DENND1B: variants seen among roughly 807,000 people sequenced by gnomAD.
The protein encoded by DENND1B is DENN domain containing 1B.
In DENND1B, 59 loss-of-function variants were observed where a neutral mutation model predicts 90.1. The observed-to-expected ratio is 0.65, with a 90% CI of 0.53 to 0.81. DENND1B has a LOEUF of 0.81. Among genes scored for constraint, DENND1B ranks in the 40% least tolerant of loss-of-function variants. The pLI, the probability that DENND1B is intolerant of heterozygous loss-of-function variation, is 0.00. For synonymous variants in DENND1B, 337 were observed against 324.6 expected, an observed-to-expected ratio of 1.04 and a Z score of -0.41; for missense variants, 862 against 912.6, an observed-to-expected ratio of 0.94 and a Z score of 0.71.
chr1:197,679,563 C>T (rs1221783257), intron 3 of DENND1B, among the ~76,000 whole-genome samples: 2 of 150,882 alleles, frequency 1.3e-5, no homozygotes. Context: ...GGATCCCAAA[C>T]CAATAGGATT....
intron 10 of DENND1B, among the ~76,000 whole-genome samples, chr1:197,622,848 T>C (rs1678298923): frequency 6.6e-6 from 1 of 151,492 alleles, no homozygotes; most frequent in Admixed American, 6.6e-5. Context: ...GAAATCAGTC[T>C]ATTAATAAAA....
At position 197,647,047 on chromosome 1, in the gene DENND1B, T is replaced by C; in HGVS notation, c.507+8A>G. The C allele has an allele frequency of 2.0e-6, 3 of 1,465,824 alleles. No individual in the cohort carries two copies. The highest frequency in any genetic ancestry group is 2.7e-6 in the Non-Finnish European group (3 of 1,116,686). The allele number at this position is 1,465,824 out of a possible 1,614,324, so 90.8% of individuals were successfully genotyped here. A position where few individuals can be genotyped will look rare whatever the true frequency, so the allele number is the denominator to read the frequency against. ...TGATTTTTAGAAGCCAATGTCCTTT[T>C]AACTCACCGGTACTAGAGCAGGCTG... On this transcript the variant is annotated splice_region_variant and intron_variant, in intron 8 of 22. Coordinates refer to ENST00000620048, the MANE Select transcript of DENND1B (RefSeq NM_001195215.2).
chr1:197,634,435 T>A (rs759634174), intron 10 of DENND1B, among the ~76,000 whole-genome samples: 27 of 152,134 alleles, frequency 1.8e-4, no homozygotes, highest in African/African-American at 6.3e-4. Context: ...AATGAACAAA[T>A]GAACATTTTT....
At chr1:197,576,115 A>C (rs1244665904) in intron 15 of DENND1B, among the ~76,000 whole-genome samples, 5 of 152,180 alleles carry the variant, frequency 3.3e-5, no homozygotes, top group Non-Finnish European at 7.4e-5. Flanking sequence ...AAGAAAAAAA[A>C]ATCTAAAGAA....
At chr1:197,546,070 A>G (rs1670795611) in intron 17 of DENND1B, 80 bp from the exon 18 acceptor site, 1 of 1,213,020 alleles carries the variant, frequency 8.2e-7, no homozygotes, top group Non-Finnish European at 1.2e-6. Flanking sequence ...AGTAAGTTGC[A>G]TATTTAAAAA....
upstream of DENND1B, among the ~76,000 whole-genome samples, chr1:197,775,903 C>G (rs1158422613): frequency 6.6e-6 from 1 of 152,218 alleles, no homozygotes; most frequent in Non-Finnish European, 1.5e-5. Flanking sequence ...TGCGTCACTC[C>G]AGCTGTGGCC....
intron 15 of DENND1B, among the ~76,000 whole-genome samples, chr1:197,582,082 G>C (rs1674294612): frequency 6.6e-6 from 1 of 152,092 alleles, no homozygotes; most frequent in African/African-American, 2.4e-5. Flanking sequence ...GGACATCTCT[G>C]ATCCTGAAAT....
intron 2 of DENND1B, chr1:197,747,317 T>C (rs1173572079): frequency 3.9e-5 from 23 of 586,648 alleles, no homozygotes; most frequent in Non-Finnish European, 6.7e-5. Flanking sequence ...AATCTATGAT[T>C]TCTGTTTTTC....
chr1:197,565,502 A>T (rs565764040), intron 15 of DENND1B, among the ~76,000 whole-genome samples: 108 of 149,570 alleles, frequency 7.2e-4, no homozygotes, highest in African/African-American at 2.6e-3. Context: ...TTTTATTATT[A>T]TTATACTTTA....
upstream of DENND1B, among the ~76,000 whole-genome samples, chr1:197,778,868 C>G (rs960305375): frequency 6.6e-6 from 1 of 151,838 alleles, no homozygotes; most frequent in African/African-American, 2.4e-5. Flanking sequence ...TACTCTGTTT[C>G]TATTCATTTA....
chr1:197,613,037 G>C (rs1677317551), intron 11 of DENND1B, among the ~76,000 whole-genome samples: 1 of 150,578 alleles, frequency 6.6e-6, no homozygotes. Flanking sequence ...TCTTTTATAG[G>C]CATCTTTGTG....
intron 2 of DENND1B, among the ~76,000 whole-genome samples, chr1:197,771,577 T>C (rs1031672632): frequency 2.0e-5 from 3 of 152,188 alleles, no homozygotes; most frequent in Non-Finnish European, 2.9e-5. Context: ...GCCAACAATA[T>C]GTGACTTCAT....
At chr1:197,674,065 T>C in intron 4 of DENND1B, 55 bp downstream of exon 4, 1 of 1,226,312 alleles carries the variant, frequency 8.2e-7, no homozygotes, top group Non-Finnish European at 1.2e-6. Context: ...TGTAATCATT[T>C]TCAAGTATGT....
Position 197,642,705 on chromosome 1 carries a change from A to G in DENND1B, c.672+6T>C. The stretch of plus-strand genomic sequence containing the variant: ...CTGCTACTTAAAAGAAGTGTGAAGT[A>G]CTTACAGTGCTTAATTTGCTCGAGA... On this transcript the variant is annotated splice_donor_region_variant and intron_variant, in intron 10 of 22. Coordinates refer to ENST00000620048, the MANE Select transcript of DENND1B (RefSeq NM_001195215.2). The G allele has an allele frequency of 6.2e-7, 1 of 1,605,916 alleles. No individual in the cohort carries two copies. Among genetic ancestry groups the G allele is most frequent in the Non-Finnish European group, 8.5e-7 (1 of 1,174,374 alleles).
At chr1:197,762,916 A>T (rs189650969) in intron 2 of DENND1B, among the ~76,000 whole-genome samples, 194 of 152,026 alleles carry the variant, frequency 1.3e-3, no homozygotes, top group African/African-American at 3.5e-3. Context: ...ATTCCATTGC[A>T]TATATGTATA....
chr1:197,583,456 T>C (rs532769973), intron 14 of DENND1B, among the ~76,000 whole-genome samples: 12 of 152,294 alleles, frequency 7.9e-5, no homozygotes, highest in Non-Finnish European at 1.5e-4. Context: ...CAGGATCCCA[T>C]GTACTCTTAA....
At chr1:197,742,752 G>C (rs992586650) in intron 2 of DENND1B, among the ~76,000 whole-genome samples, 1 of 152,164 alleles carries the variant, frequency 6.6e-6, no homozygotes, top group Non-Finnish European at 1.5e-5. Flanking sequence ...TGGAGATGAA[G>C]CAAAATTTGT....
chr1:197,695,542 G>C (rs908505376), intron 3 of DENND1B, among the ~76,000 whole-genome samples: 2 of 150,648 alleles, frequency 1.3e-5, no homozygotes, highest in South Asian at 2.1e-4. Flanking sequence ...AGAAATACGA[G>C]TTTATATATA....
At chr1:197,644,161 T>A (rs1680528265) in intron 9 of DENND1B, among the ~76,000 whole-genome samples, 1 of 152,160 alleles carries the variant, frequency 6.6e-6, no homozygotes, top group African/African-American at 2.4e-5. Flanking sequence ...ATATAAAAAT[T>A]CAAGTTATTC....
Sources: gnomAD v4.1 joint callset for allele counts (sites outside exome capture counted in the v4.1 genomes callset) on GRCh38, gnomAD v4.1.1 for gene constraint, MANE v1.5 for transcripts, NCBI Gene and HGNC (gene_info 2026-07-23, HGNC 2026-07-21) for gene names.